CNTNAP2: variants seen among roughly 807,000 people sequenced by gnomAD.
The protein encoded by CNTNAP2 is contactin-associated protein-like 2.
CNTNAP2 carries 98 observed loss-of-function variants against 155.2 expected under a neutral mutation model. The ratio of observed to expected loss-of-function variants is 0.63; its 90% CI spans 0.54 to 0.75. The LOEUF is 0.75. Ranked by LOEUF, CNTNAP2 falls within the 30% of genes least tolerant of loss-of-function variation. The pLI is 0.00. For missense variants in CNTNAP2, 1,727 were observed against 1,688.1 expected, an observed-to-expected ratio of 1.02 and a Z score of -0.40; for synonymous variants, 651 against 631.2, an observed-to-expected ratio of 1.03 and a Z score of -0.47.
chr7:146,826,836 GTATATA>G (rs376484843), intron 2 of CNTNAP2, among the ~76,000 whole-genome samples: 17 of 144,146 alleles, frequency 1.2e-4, no homozygotes, highest in East Asian at 4.0e-4. Flanking sequence ...ATGAATATAT[GTATATA>G]TATATATATA....
chr7:148,273,337 G>C (rs767553461), intron 21 of CNTNAP2, among the ~76,000 whole-genome samples: 3 of 152,060 alleles, frequency 2.0e-5, no homozygotes, highest in African/African-American at 4.8e-5. Flanking sequence ...TAACATTTAG[G>C]GTTCCTTGAT....
At chr7:146,953,915 A>C (rs938452655) in intron 3 of CNTNAP2, among the ~76,000 whole-genome samples, 7 of 151,992 alleles carry the variant, frequency 4.6e-5, no homozygotes, top group African/African-American at 1.4e-4. Flanking sequence ...TAGTGTTATA[A>C]ATATTGAAAT....
chr7:147,998,942 A>G (rs190844817), intron 15 of CNTNAP2, among the ~76,000 whole-genome samples: 96 of 152,352 alleles, frequency 6.3e-4, no homozygotes, highest in African/African-American at 2.2e-3. Flanking sequence ...GCAGAGATCT[A>G]TGCCTATGTA....
rs1454525721 is a variant in CNTNAP2 at position 148,090,088 on chromosome 7, A to G, written c.2384-28030A>G. ...TGAAACTAGGCTCTCATTTTACACCATATACAAAAATCAATTCCAAATGAA... is the reference window on the plus strand; with the variant it reads ...TGAAACTAGGCTCTCATTTTACACCGTATACAAAAATCAATTCCAAATGAA... On this transcript the variant is annotated intron_variant, in intron 15 of 23. Transcript: ENST00000361727. 7.2e-5 allele frequency among the ~76,000 whole-genome samples: 11 copies of G among 152,152 alleles called. No individual in the cohort carries two copies. The East Asian group carries it at 1.9e-3, about 27-fold the overall frequency.
chr7:146,182,606 CT>C, intron 1 of CNTNAP2, among the ~76,000 whole-genome samples: 1 of 152,278 alleles, frequency 6.6e-6, no homozygotes, highest in Admixed American at 6.5e-5. Context: ...CATCGCTTCA[CT>C]TTGGATCTCT....
At chr7:147,016,258 C>T (rs755512837) in intron 3 of CNTNAP2, among the ~76,000 whole-genome samples, 46 of 151,998 alleles carry the variant, frequency 3.0e-4, no homozygotes, top group Non-Finnish European at 4.7e-4. Context: ...GCTTGTCTAA[C>T]TGTCATTGGT....
chr7:148,405,530 C>T (rs1244929900), intron 22 of CNTNAP2, among the ~76,000 whole-genome samples: 4 of 121,366 alleles, frequency 3.3e-5, no homozygotes, highest in African/African-American at 1.1e-4. Flanking sequence ...CAGGTTCAAG[C>T]GGTTCAAGCA....
intron 1 of CNTNAP2, among the ~76,000 whole-genome samples, chr7:146,755,408 A>T (rs1429714463): frequency 6.6e-6 from 1 of 152,038 alleles, no homozygotes. Context: ...ATAAATTGTT[A>T]TTGGTATACA....
At chr7:146,378,063 A>T (rs1410922942) in intron 1 of CNTNAP2, among the ~76,000 whole-genome samples, 1 of 152,172 alleles carries the variant, frequency 6.6e-6, no homozygotes, top group Non-Finnish European at 1.5e-5. Flanking sequence ...TCTCCCTATA[A>T]GGGCATGCAT....
At chr7:147,172,303 A>G (rs1431436017) in intron 8 of CNTNAP2, among the ~76,000 whole-genome samples, 1 of 152,190 alleles carries the variant, frequency 6.6e-6, no homozygotes, top group Non-Finnish European at 1.5e-5. Context: ...CAAATGGGCA[A>G]TATTTAACTT....
intron 20 of CNTNAP2, among the ~76,000 whole-genome samples, chr7:148,265,688 C>T (rs890796264): frequency 8.5e-5 from 13 of 152,090 alleles, no homozygotes; most frequent in Admixed American, 6.5e-4. Context: ...ATTTTTGTGG[C>T]AATACTACTC....
intron 13 of CNTNAP2, among the ~76,000 whole-genome samples, chr7:147,723,654 T>C (rs1796600227): frequency 6.6e-6 from 1 of 151,978 alleles, no homozygotes; most frequent in South Asian, 2.1e-4. Flanking sequence ...TTGCTAATAG[T>C]AACCATCTTT....
chr7:147,485,174 A>C (rs369826536), intron 10 of CNTNAP2, among the ~76,000 whole-genome samples: 3 of 152,142 alleles, frequency 2.0e-5, no homozygotes, highest in Non-Finnish European at 4.4e-5. Flanking sequence ...TTGGCCCACT[A>C]TTTCCTGCCT....
intron 3 of CNTNAP2, among the ~76,000 whole-genome samples, chr7:146,971,376 A>T (rs1430318589): frequency 6.6e-6 from 1 of 152,116 alleles, no homozygotes; most frequent in Non-Finnish European, 1.5e-5. Context: ...TTGAGGAAAA[A>T]ATAAAAAGGC....
intron 1 of CNTNAP2, among the ~76,000 whole-genome samples, chr7:146,347,442 C>A (rs1246310482): frequency 6.6e-6 from 1 of 152,186 alleles, no homozygotes; most frequent in African/African-American, 2.4e-5. Context: ...TGTCAAGCTT[C>A]TGCATCTTTT....
At chr7:147,469,393 G>GCATGTGC (rs989601820) in intron 10 of CNTNAP2, among the ~76,000 whole-genome samples, 47 of 151,472 alleles carry the variant, frequency 3.1e-4, no homozygotes, top group African/African-American at 1.1e-3. Flanking sequence ...AAAATATCAA[G>GCATGTGC]CATGTGCCAG....
intron 3 of CNTNAP2, among the ~76,000 whole-genome samples, chr7:146,920,797 A>C (rs1796483806): frequency 6.6e-6 from 1 of 152,188 alleles, no homozygotes; most frequent in Non-Finnish European, 1.5e-5. Context: ...GTTTAAGTGC[A>C]CGAGTTGTGA....
At chr7:146,810,813 T>C (rs1450963864) in intron 2 of CNTNAP2, among the ~76,000 whole-genome samples, 6 of 152,224 alleles carry the variant, frequency 3.9e-5, no homozygotes, top group African/African-American at 1.4e-4. Flanking sequence ...ATATTCATTC[T>C]ACAACTATTT....
intron 1 of CNTNAP2, among the ~76,000 whole-genome samples, chr7:146,120,102 A>G (rs1192831324): frequency 1.3e-5 from 2 of 151,942 alleles, no homozygotes; most frequent in Non-Finnish European, 2.9e-5. Flanking sequence ...AACTAACGCA[A>G]CAATATTAAG....
Sources: gnomAD v4.1 joint callset for allele counts (sites outside exome capture counted in the v4.1 genomes callset) on GRCh38, gnomAD v4.1.1 for gene constraint, MANE v1.5 for transcripts, NCBI Gene and HGNC (gene_info 2026-07-23, HGNC 2026-07-21) for gene names.